CCSER2: variants seen among roughly 807,000 people sequenced by gnomAD.
The protein encoded by CCSER2 is coiled-coil serine rich protein 2, also known as serine-rich coiled-coil domain-containing protein 2.
CCSER2 carries 46 observed loss-of-function variants against 92.3 expected under a neutral mutation model. The observed-to-expected ratio is 0.50, with a 90% CI of 0.39 to 0.64. The LOEUF is 0.64. CCSER2 is among the 30% of genes least tolerant of loss of function. CCSER2 has a pLI of 0.00. For synonymous variants in CCSER2, 433 were observed against 431.4 expected (o/e 1.00, Z -0.04); for missense variants, 1,244 against 1,238.9 (o/e 1.00, Z -0.06).
At chr10:84,348,270 GCGAAACCCCGTCTCCACCAAAAAATA>G (rs1457760735) in intron 1 of CCSER2, among the ~76,000 whole-genome samples, 2 of 152,262 alleles carry the variant, frequency 1.3e-5, no homozygotes, top group Non-Finnish European at 2.9e-5. Context: ...GGCCAACACA[GCGAAACCCCGTCTCCACCAAAAAATA>G]CGAAAACCAG....
intron 1 of CCSER2, among the ~76,000 whole-genome samples, chr10:84,340,289 AG>A (rs1844102841): frequency 6.6e-6 from 1 of 152,076 alleles, no homozygotes; most frequent in South Asian, 2.1e-4. Flanking sequence ...TTTTTGTTAT[AG>A]TATTTGCTGT....
At chr10:84,376,497 C>T (rs1206780217) in intron 3 of CCSER2, among the ~76,000 whole-genome samples, 3 of 152,042 alleles carry the variant, frequency 2.0e-5, no homozygotes, top group African/African-American at 7.2e-5. Context: ...TGGTTTATAT[C>T]TAGCTTCTTT....
chr10:84,507,971 A>G (rs1396250084), intron 9 of CCSER2, among the ~76,000 whole-genome samples: 1 of 152,202 alleles, frequency 6.6e-6, no homozygotes, highest in Non-Finnish European at 1.5e-5. Flanking sequence ...TATTGGTATT[A>G]TATCTGCCTG....
chr10:84,381,131 G>C (rs1223041294), intron 3 of CCSER2, among the ~76,000 whole-genome samples: 3 of 152,132 alleles, frequency 2.0e-5, no homozygotes, highest in African/African-American at 7.2e-5. Flanking sequence ...TGTATTTTGA[G>C]TATCATCTCT....
At chr10:84,366,478 T>C (rs1023365821) in intron 1 of CCSER2, among the ~76,000 whole-genome samples, 2 of 152,198 alleles carry the variant, frequency 1.3e-5, no homozygotes, top group Non-Finnish European at 2.9e-5. Context: ...GTGGGTCAAA[T>C]AGACATGCAC....
At chr10:84,427,078 T>C (rs1035987059) in intron 5 of CCSER2, among the ~76,000 whole-genome samples, 2 of 151,992 alleles carry the variant, frequency 1.3e-5, no homozygotes, top group East Asian at 1.9e-4. Context: ...TTCCAAAACA[T>C]ATGATCACAA....
At chr10:84,405,825 G>A (rs1260367873) in intron 3 of CCSER2, among the ~76,000 whole-genome samples, 1 of 152,168 alleles carries the variant, frequency 6.6e-6, no homozygotes, top group Non-Finnish European at 1.5e-5. Context: ...GGAGCAACTA[G>A]AAGTCTCATT....
chr10:84,374,003 A>G, intron 3 of CCSER2, 188 bp downstream of exon 3: 2 of 1,257,474 alleles, frequency 1.6e-6, no homozygotes, highest in Non-Finnish European at 2.1e-6. Flanking sequence ...AATATATGAC[A>G]TTTGACTTAA....
chr10:84,471,709 T>C (rs1846811131), intron 8 of CCSER2, among the ~76,000 whole-genome samples: 1 of 152,164 alleles, frequency 6.6e-6, no homozygotes, highest in African/African-American at 2.4e-5. Context: ...TCTGAGCCAC[T>C]AGTTGGAGAA....
Position 84,371,345 on chromosome 10 carries a change from G to T in CCSER2, c.293G>T (p.Arg98Leu). The change falls in exon 2 of 10, where the codon CGT becomes CTT. Residue 98 changes from arginine to leucine, a missense_variant. Transcript: ENST00000372088. ...GATAAAATAATTGATCCTGAAAAAC[G>T]TGTTCCTACTCAAGGAATGTTTGAT... Reference protein sequence around the residue: ...SHDKIIDPEKRVPTQGMFDKN... With the variant: ...SHDKIIDPEKLVPTQGMFDKN... 6.2e-7 allele frequency: 1 copy of T among 1,613,662 alleles called. No individual in the cohort carries two copies. Among genetic ancestry groups the T allele is most frequent in the Non-Finnish European group, 8.5e-7 (1 of 1,179,802 alleles).
At chr10:84,443,316 C>T (rs1844692695) in intron 6 of CCSER2, among the ~76,000 whole-genome samples, 1 of 152,050 alleles carries the variant, frequency 6.6e-6, no homozygotes, top group Non-Finnish European at 1.5e-5. Flanking sequence ...AAAACAACCC[C>T]ATCAAAAAGT....
At position 84,462,448 on chromosome 10, in the gene CCSER2, T is replaced by C. The variant is rs1177866864; in HGVS notation, c.2065-1485T>C. 2.6e-5 allele frequency among the ~76,000 whole-genome samples: 4 copies of C among 152,194 alleles called. No individual in the cohort carries two copies. In the East Asian group the frequency reaches 7.7e-4, roughly 29 times the overall value. ...TTCAAATTTTACAGTCTGTCTCTCT[T>C]CTCAAATATACTTGTAGGTAGGACT... On this transcript the variant is annotated intron_variant, in intron 6 of 9. Transcript: ENST00000372088.
At chr10:84,362,426 G>T (rs939237320) in intron 1 of CCSER2, among the ~76,000 whole-genome samples, 1 of 152,088 alleles carries the variant, frequency 6.6e-6, no homozygotes, top group Non-Finnish European at 1.5e-5. Context: ...TTTGAGTTTT[G>T]TGTTCCTGTA....
Position 84,438,579 on chromosome 10 carries a change from G to A in CCSER2, c.1936G>A (p.Ala646Thr). The A allele has an allele frequency of 1.9e-6, 3 of 1,613,428 alleles. No homozygotes were observed. The highest frequency in any genetic ancestry group is 2.5e-6 in the Non-Finnish European group (3 of 1,179,574). The change falls in exon 6 of 10, where the codon GCT becomes ACT. Residue 646 changes from alanine to threonine, a missense_variant. Physicochemically the swap from Ala to Thr is moderately conservative, Grantham distance 58. Transcript: ENST00000372088. ...CTATGGAGGGATGCCCTTTTTCCAG[G>A]CTCAGAAGATGTTTGTTGATGTACC... Reference protein sequence around the residue: ...ESYGGMPFFQAQKMFVDVPEN... With the variant: ...ESYGGMPFFQTQKMFVDVPEN...
intron 6 of CCSER2, among the ~76,000 whole-genome samples, chr10:84,456,740 T>TG (rs1845648098): frequency 6.6e-6 from 1 of 152,170 alleles, no homozygotes; most frequent in East Asian, 1.9e-4. Flanking sequence ...GCATTCTTGC[T>TG]GGCACTTGGT....
At chr10:84,446,038 A>G (rs1160078609) in intron 6 of CCSER2, among the ~76,000 whole-genome samples, 1 of 151,256 alleles carries the variant, frequency 6.6e-6, no homozygotes, top group African/African-American at 2.4e-5. Context: ...AAGGTTTTCT[A>G]AAGTAGTTAT....
At chr10:84,488,508 A>G (rs4934021) in intron 9 of CCSER2, among the ~76,000 whole-genome samples, 22,911 of 151,866 alleles carry the variant, frequency 0.15, 1,847 homozygotes, top group Admixed American at 0.24. Flanking sequence ...TTTCTTTTAG[A>G]TTTTCTAGTT....
chr10:84,381,794 G>A (rs1840920525), intron 3 of CCSER2, among the ~76,000 whole-genome samples: 1 of 151,932 alleles, frequency 6.6e-6, no homozygotes, highest in Non-Finnish European at 1.5e-5. Context: ...CGAGTGTGGT[G>A]GCACGTGCCT....
At chr10:84,375,853 G>T (rs1174002520) in intron 3 of CCSER2, among the ~76,000 whole-genome samples, 11 of 140,644 alleles carry the variant, frequency 7.8e-5, no homozygotes, top group East Asian at 2.1e-4. Context: ...TTTTTTTTCT[G>T]TTTCTTTTTC....
Sources: allele counts gnomAD v4.1 joint callset (sites outside exome capture counted in the v4.1 genomes callset), GRCh38; gene constraint gnomAD v4.1.1; transcripts MANE v1.5; gene names NCBI Gene and HGNC (gene_info 2026-07-23, HGNC 2026-07-21).